C1S: variants seen among roughly 807,000 people sequenced by gnomAD.
The protein encoded by C1S is complement C1s subcomponent.
Under a neutral mutation model 54.0 loss-of-function variants are expected in C1S, and 31 were observed. That is an observed-to-expected ratio of 0.57 (90% CI 0.43 to 0.78). The LOEUF is 0.78. Among genes scored for constraint, C1S ranks in the 30% least tolerant of loss-of-function variants. C1S has a pLI of 0.00. For missense variants in C1S, 727 were observed against 851.8 expected (o/e 0.85, Z 1.82); for synonymous variants, 292 against 303.6 (o/e 0.96, Z 0.40).
At position 7,070,520 on chromosome 12, in the gene C1S, A is replaced by G; in HGVS notation, c.1936A>G (p.Lys646Glu). The G allele has an allele frequency of 6.2e-7, 1 of 1,613,852 alleles. No homozygotes were observed. Residue 646 changes from lysine (K) to glutamate (E), a missense_variant, in exon 12 of 12, where the codon AAA (lysine) becomes GAA (glutamate). Transcript: ENST00000360817. This position sits in a 1 kb window ranked among gnomAD's most constrained non-coding sequence, Gnocchi z 4.9. ...TGTACAGGATCCCAATGACAAGACCAAATTCTACGCAGCTGGCCTGGTGTC... is the reference window on the plus strand; with the variant it reads ...TGTACAGGATCCCAATGACAAGACCGAATTCTACGCAGCTGGCCTGGTGTC... ...FAVQDPNDKT[K>E]FYAAGLVSWG...
intron 9 of C1S, 117 bp from the exon 10 acceptor site, chr12:7,067,524 CAT>C: frequency 1.7e-6 from 2 of 1,147,934 alleles, no homozygotes; most frequent in Non-Finnish European, 2.6e-6. Context: ...TGGGGAGGTT[CAT>C]CCCAGGTGTG....
intron 10 of C1S, 85 bp from the exon 11 acceptor site, chr12:7,068,371 G>A (rs1409280061): frequency 6.4e-6 from 6 of 940,596 alleles, no homozygotes; most frequent in Admixed American, 1.8e-5. Flanking sequence ...CTGAAGGAAC[G>A]GGGCAGGGTG....
intron 7 of C1S, chr12:7,066,282 G>A: frequency 1.6e-6 from 1 of 620,236 alleles, no homozygotes; most frequent in Non-Finnish European, 2.9e-6. Context: ...GTCAACGGTT[G>A]CTAGAAATGC....
chr12:7,062,570 G>T lies in C1S; in HGVS notation c.101G>T (p.Ser34Ile). 3 of 1,613,690 alleles carry T rather than the reference G, an allele frequency of 1.9e-6. No homozygotes were observed. The highest frequency in any genetic ancestry group is 2.5e-6 in the Non-Finnish European group (3 of 1,179,570). Residue 34 changes from serine to isoleucine, a missense_variant, in exon 3 of 12, where the codon AGT (serine) becomes ATT (isoleucine). Physicochemically the swap from Ser to Ile is moderately radical, Grantham distance 142. Around this residue, in one of 3 missense-constraint regions of C1S, gnomAD observed 357 missense variants for 365.4 expected, o/e 0.98. Transcript: ENST00000360817. ...CCTAACTATCCTCAGGCATATCCCA[G>T]TGAGGTAGAGAAATCTTGGGACATA... ...LSPNYPQAYP[S>I]EVEKSWDIEV... is the part of the protein sequence containing the mutation.
Position 7,070,043 on chromosome 12 carries a change from G to T in C1S, c.1459G>T (p.Val487Phe), listed in dbSNP as rs1937802146. The change falls in exon 12 of 12, where the codon GTT becomes TTT. Residue 487 changes from valine to phenylalanine, a missense_variant. Coordinates refer to ENST00000360817, the MANE Select transcript of C1S (RefSeq NM_001734.5). The surrounding 1 kb of genome is among the most constrained non-coding windows in gnomAD (Gnocchi z 4.9). Reference protein sequence around the residue: ...VEGNREPTMYVGSTSVQTSRL... With the variant: ...VEGNREPTMYFGSTSVQTSRL... ...GGGAAACAGGGAGCCAACAATGTAT[G>T]TTGGGTCCACCTCAGTGCAGACCTC... 2 of 1,614,032 alleles carry T rather than the reference G, an allele frequency of 1.2e-6. No homozygotes were observed. Among genetic ancestry groups the T allele is most frequent in the Admixed American group, 1.7e-5 (1 of 60,000 alleles).
Position 7,068,675 on chromosome 12 carries a change from G to A in C1S, c.1270+145G>A, listed in dbSNP as rs782465433. ...AGTGAGGTGGCAGTATCACTGTGCC[G>A]TGGGCTGCCAGGGCCGTGGGGAACC... On this transcript the variant is annotated intron_variant, in intron 11 of 11. Coordinates refer to ENST00000360817, the MANE Select transcript of C1S (RefSeq NM_001734.5). 452 of 671,944 alleles carry A rather than the reference G, an allele frequency of 6.7e-4. 3 individuals are homozygous for A. The highest frequency in any genetic ancestry group is 3.0e-4 in the Middle Eastern group (1 of 3,362). The allele number at this position is 671,944 out of a possible 1,614,324, so 41.6% of individuals were successfully genotyped here. A position where few individuals can be genotyped will look rare whatever the true frequency, so the allele number is the denominator to read the frequency against.
intron 9 of C1S, 162 bp downstream of exon 9, chr12:7,067,279 C>T (rs782420406): frequency 1.2e-4 from 80 of 687,482 alleles, no homozygotes; most frequent in Admixed American, 3.4e-4. Context: ...GTCCCAGCCC[C>T]GCATCTGGTC....
chr12:7,061,955 A>G, intron 2 of C1S, 38 bp downstream of exon 2: 1 of 1,607,946 alleles, frequency 6.2e-7, no homozygotes. Context: ...CACAGACTCC[A>G]TTCCCTTCAT....
rs1947164995 is a variant in C1S, at chr12:7,065,704, TTTC to T, written c.718-107_718-105del. ...AATTATCTTTTCTCCTGACCCTTAT[TTTC>T]TTCTTATTTTATGTGACATTTAATG... On this transcript the variant is annotated intron_variant, in intron 6 of 11. Coordinates refer to ENST00000360817, the MANE Select transcript of C1S (RefSeq NM_001734.5). The T allele has an allele frequency of 3.2e-6, 3 of 927,766 alleles. No homozygotes were observed. The African/African-American group carries it at 4.9e-5, about 15-fold the overall frequency. The allele number at this position is 927,766 out of a possible 1,614,324, so 57.5% of individuals were successfully genotyped here. A position where few individuals can be genotyped will look rare whatever the true frequency, so the allele number is the denominator to read the frequency against.
At chr12:7,063,246 G>A (rs1423357432) in intron 4 of C1S, among the ~76,000 whole-genome samples, 179 bp downstream of exon 4, 1 of 152,180 alleles carries the variant, frequency 6.6e-6, no homozygotes, top group Non-Finnish European at 1.5e-5. Context: ...TCATATCTTA[G>A]TGGTGATGAT....
In C1S at chr12:7,070,505, C is replaced by T. The variant is rs782586920; in HGVS notation, c.1921C>T (p.Pro641Ser). Residue 641 changes from proline (P) to serine (S), a missense_variant, in exon 12 of 12, where the codon CCC becomes TCC. Physicochemically the swap from Pro to Ser is moderately conservative, Grantham distance 74. This residue lies in a region of C1S where 360 missense variants were observed against 453.6 expected (regional missense o/e 0.79). Transcript: ENST00000360817. This position sits in a 1 kb window ranked among gnomAD's most constrained non-coding sequence, Gnocchi z 4.9. Reference sequence around the variant, plus strand: ...TGGTGGGGCCTTTGCTGTACAGGATCCCAATGACAAGACCAAATTCTACGC... The same window carrying T: ...TGGTGGGGCCTTTGCTGTACAGGATTCCAATGACAAGACCAAATTCTACGC... ...DSGGAFAVQD[P>S]NDKTKFYAAG... The T allele has an allele frequency of 3.7e-6, 6 of 1,613,684 alleles. No homozygotes were observed. Among genetic ancestry groups the T allele is most frequent in the Non-Finnish European group, 3.4e-6 (4 of 1,179,868 alleles).
Position 7,065,922 on chromosome 12 carries a change from G to A in C1S, c.823G>A (p.Asp275Asn). 1.2e-6 allele frequency: 2 copies of A among 1,613,774 alleles called. No homozygotes were observed. Among genetic ancestry groups the A allele is most frequent in the Non-Finnish European group, 1.7e-6 (2 of 1,179,760 alleles). The change falls in exon 7 of 12, where the codon GAT becomes AAT. Residue 275 changes from aspartate (D) to asparagine (N), a missense_variant. Asp to Asn is a conservative substitution (Grantham distance 23, BLOSUM62 1). Around this residue, in one of 3 missense-constraint regions of C1S, gnomAD observed 357 missense variants for 365.4 expected, o/e 0.98. Coordinates refer to ENST00000360817, the MANE Select transcript of C1S (RefSeq NM_001734.5). The part of the protein sequence containing the change: ...SNALDIIFQT[D>N]LTGQKKGWKL... Reference sequence around the variant, plus strand: ...TGCTCTTGATATCATCTTCCAAACTGATCTAACAGGGCAAAAAAAGGGCTG... The same window carrying A: ...TGCTCTTGATATCATCTTCCAAACTAATCTAACAGGGCAAAAAAAGGGCTG...
chr12:7,062,477 G>A lies in C1S; in HGVS notation c.8G>A (p.Cys3Tyr). 6.2e-7 allele frequency: 1 copy of A among 1,612,296 alleles called. No individual in the cohort carries two copies. Among genetic ancestry groups the A allele is most frequent in the Non-Finnish European group, 8.5e-7 (1 of 1,179,648 alleles). MW[C>Y]IVLFSLLAWV... ...AATCTATGCCTCTGTTTTTTCAGGTGCATTGTCCTGTTTTCACTTTTGGCA... is the reference window on the plus strand; with the variant it reads ...AATCTATGCCTCTGTTTTTTCAGGTACATTGTCCTGTTTTCACTTTTGGCA... The change falls in exon 3 of 12, where the codon TGC becomes TAC. Residue 3 changes from cysteine (C) to tyrosine (Y), a missense_variant and splice_region_variant. Cys to Tyr is a radical substitution (Grantham distance 194). Coordinates refer to ENST00000360817, the MANE Select transcript of C1S (RefSeq NM_001734.5).
At position 7,064,299 on chromosome 12, in the gene C1S, C is replaced by T. The variant is rs782542532; in HGVS notation, c.424C>T (p.Pro142Ser). 1 of 1,613,842 alleles carries T rather than the reference C, an allele frequency of 6.2e-7. No homozygotes were observed. The change falls in exon 5 of 12, where the codon CCT becomes TCT. Residue 142 changes from proline (P) to serine (S), a missense_variant. Physicochemically the swap from Pro to Ser is moderately conservative, Grantham distance 74. This residue lies in a region of C1S where 357 missense variants were observed against 365.4 expected (regional missense o/e 0.98). Transcript: ENST00000360817. ...INECTDFVDV[P>S]CSHFCNNFIG... Reference sequence around the variant, plus strand: ...TGAATGCACAGATTTTGTAGATGTCCCTTGTAGCCACTTCTGCAACAATTT... The same window carrying T: ...TGAATGCACAGATTTTGTAGATGTCTCTTGTAGCCACTTCTGCAACAATTT...
Position 7,068,504 on chromosome 12 carries a change from G to A in C1S, c.1244G>A (p.Gly415Asp). ...GGGAGCTGGGTGAATGAGGTGCTGG[G>A]CCCGGAGCTGCCGAAATGTGTTCCA... ...GNGSWVNEVL[G>D]PELPKCVPVC... The change falls in exon 11 of 12, where the codon GGC (glycine) becomes GAC (aspartate). Residue 415 changes from glycine (G) to aspartate (D), a missense_variant. Physicochemically the swap from Gly to Asp is moderately conservative, Grantham distance 94. This residue lies in a region of C1S where 360 missense variants were observed against 453.6 expected (regional missense o/e 0.79). Transcript: ENST00000360817. 6.2e-7 allele frequency: 1 copy of A among 1,613,736 alleles called. No homozygotes were observed.
chr12:7,061,935 C>T lies in C1S; in HGVS notation c.5+18C>T, dbSNP rs781827029. On this transcript the variant is annotated intron_variant, in intron 2 of 11. Transcript: ENST00000360817. ...GAGATGTGGTAAGTGATCAAGGGTC[C>T]CTGAGATGACACAGACTCCATTCCC... is the stretch of plus-strand genomic sequence containing the variant. The T allele has an allele frequency of 1.1e-5, 17 of 1,613,030 alleles. No homozygotes were observed. The East Asian group carries it at 3.6e-4, about 34-fold the overall frequency.
rs782699281 is a variant in C1S at position 7,069,453 on chromosome 12, C to T, written c.1271-402C>T. Among the ~76,000 whole-genome samples, 116 of 152,326 alleles carry T rather than the reference C, an allele frequency of 7.6e-4. No individual in the cohort carries two copies. The Middle Eastern group carries it at 0.024, about 31-fold the overall frequency. On this transcript the variant is annotated intron_variant, in intron 11 of 11. Coordinates refer to ENST00000360817, the MANE Select transcript of C1S (RefSeq NM_001734.5). ...CTGAAGAAGGCAGAAATCTTTCCTC[C>T]TCCACCATCTGTGTGAGAAAAGGGT...
rs754107102 is a variant in C1S at position 7,062,624 on chromosome 12, T to G, written c.155T>G (p.Leu52Arg). 6.2e-7 allele frequency: 1 copy of G among 1,614,148 alleles called. No homozygotes were observed. Among genetic ancestry groups the G allele is most frequent in the Non-Finnish European group, 8.5e-7 (1 of 1,180,006 alleles). The part of the protein sequence containing the change: ...IEVPEGYGIH[L>R]YFTHLDIELS... Reference sequence around the variant, plus strand: ...GTTCCTGAAGGGTATGGGATTCACCTCTACTTCACCCATCTGGACATTGAG... The same window carrying G: ...GTTCCTGAAGGGTATGGGATTCACCGCTACTTCACCCATCTGGACATTGAG... Residue 52 changes from leucine (L) to arginine (R), a missense_variant, in exon 3 of 12, where the codon CTC becomes CGC. Coordinates refer to ENST00000360817, the MANE Select transcript of C1S (RefSeq NM_001734.5).
At chr12:7,066,898 G>GC in intron 8 of C1S, 141 bp from the exon 9 acceptor site, 1 of 735,294 alleles carries the variant, frequency 1.4e-6, no homozygotes, top group East Asian at 2.7e-5. Flanking sequence ...TCTCCTGGGT[G>GC]CTTTAGGTCT....
Sources: gnomAD v4.1 joint callset for allele counts (sites outside exome capture counted in the v4.1 genomes callset) on GRCh38, gnomAD v4.1.1 for gene constraint, gnomAD v4.1.1 regional missense constraint, Gnocchi (gnomAD v3.1) non-coding constraint, MANE v1.5 for transcripts, NCBI Gene and HGNC (gene_info 2026-07-23, HGNC 2026-07-21) for gene names.